Variants in TAS2R1 observed in about 807,000 individuals in gnomAD.
The protein encoded by TAS2R1 is taste 2 receptor member 1.
For missense variants in TAS2R1, 370 were observed against 353.4 expected, an observed-to-expected ratio of 1.05 and a Z score of -0.38; for synonymous variants, 141 against 134.2, an observed-to-expected ratio of 1.05 and a Z score of -0.35.
chr5:9,860,565 C>T, the TAS2R1 span, among the ~76,000 whole-genome samples: 3 of 152,150 alleles, frequency 2.0e-5, no homozygotes, highest in Non-Finnish European at 2.9e-5. Context: ...TACTTCAGGT[C>T]GGCTGTGGAT....
chr5:9,715,060 G>A (rs1734775705), upstream of TAS2R1, among the ~76,000 whole-genome samples: 1 of 152,174 alleles, frequency 6.6e-6, no homozygotes, highest in African/African-American at 2.4e-5. Flanking sequence ...TAAGGAAAGG[G>A]GACTCCAGGA....
chr5:9,660,141 C>A (rs1740502551), intron 1 of TAS2R1, among the ~76,000 whole-genome samples: 1 of 147,804 alleles, frequency 6.8e-6, no homozygotes, highest in African/African-American at 2.5e-5. Context: ...TCACTGCAAG[C>A]TCTGCCTCCT....
the TAS2R1 span, among the ~76,000 whole-genome samples, chr5:9,874,981 A>T: frequency 1.3e-5 from 2 of 152,030 alleles, no homozygotes; most frequent in Admixed American, 1.3e-4. Flanking sequence ...TCCTTCTGAA[A>T]CCTCTTCTTG....
At chr5:9,769,415 T>TG in the TAS2R1 span, among the ~76,000 whole-genome samples, 1 of 152,174 alleles carries the variant, frequency 6.6e-6, no homozygotes, top group Non-Finnish European at 1.5e-5. Flanking sequence ...CTGATTTCTT[T>TG]GGGGTATATA....
chr5:9,872,952 A>G, the TAS2R1 span, among the ~76,000 whole-genome samples: 13 of 152,302 alleles, frequency 8.5e-5, no homozygotes, highest in African/African-American at 2.4e-4. Flanking sequence ...TAATAATTGC[A>G]ATCATTTTTT....
At chr5:9,781,504 T>A in the TAS2R1 span, among the ~76,000 whole-genome samples, 1 of 152,186 alleles carries the variant, frequency 6.6e-6, no homozygotes, top group Admixed American at 6.5e-5. Flanking sequence ...GACAAGCTAT[T>A]TCTTCACACT....
the TAS2R1 span, among the ~76,000 whole-genome samples, chr5:9,819,933 T>C: frequency 6.6e-6 from 1 of 152,064 alleles, no homozygotes; most frequent in Non-Finnish European, 1.5e-5. Context: ...AATGTATTTG[T>C]TCCCATGTAA....
chr5:9,683,338 G>A (rs1040336906), intron 1 of TAS2R1, among the ~76,000 whole-genome samples: 2 of 152,132 alleles, frequency 1.3e-5, no homozygotes, highest in Non-Finnish European at 2.9e-5. Context: ...ATTACCCTAA[G>A]TGATTAAGAT....
chr5:9,896,905 C>A, the TAS2R1 span, among the ~76,000 whole-genome samples: 2 of 152,158 alleles, frequency 1.3e-5, no homozygotes, highest in African/African-American at 4.8e-5. Context: ...AGAAGGGAGA[C>A]AACAATTTGG....
At chr5:9,688,033 C>G (rs1042084514) in intron 1 of TAS2R1, among the ~76,000 whole-genome samples, 2 of 152,156 alleles carry the variant, frequency 1.3e-5, no homozygotes, top group Non-Finnish European at 2.9e-5. Flanking sequence ...AAGGGGAATC[C>G]TTGGACTTTA....
the TAS2R1 span, among the ~76,000 whole-genome samples, chr5:9,812,688 G>A: frequency 6.6e-6 from 1 of 152,090 alleles, no homozygotes; most frequent in Admixed American, 6.5e-5. Flanking sequence ...AGAATAGGGG[G>A]CCAGGAACTT....
At chr5:9,683,882 T>C (rs148326865) in intron 1 of TAS2R1, among the ~76,000 whole-genome samples, 344 of 152,268 alleles carry the variant, frequency 2.3e-3, no homozygotes, top group African/African-American at 7.8e-3. Context: ...CAGCTCAAGG[T>C]TTTGATTCTT....
the TAS2R1 span, among the ~76,000 whole-genome samples, chr5:9,860,785 C>A: frequency 3.3e-5 from 5 of 152,190 alleles, no homozygotes; most frequent in African/African-American, 1.2e-4. Context: ...TGTCTCAGTA[C>A]CCATCTGTGC....
the TAS2R1 span, among the ~76,000 whole-genome samples, chr5:9,782,276 G>C: frequency 4.6e-4 from 70 of 152,320 alleles, 1 homozygote; most frequent in African/African-American, 1.6e-3. Context: ...GGATCTCATA[G>C]TCCTCTTTTC....
chr5:9,740,094 T>C, the TAS2R1 span, among the ~76,000 whole-genome samples: 1 of 152,322 alleles, frequency 6.6e-6, no homozygotes, highest in Non-Finnish European at 1.5e-5. Context: ...TTTCTGGTGA[T>C]AGACTGTAAC....
the TAS2R1 span, among the ~76,000 whole-genome samples, chr5:9,718,181 G>T: frequency 6.6e-6 from 1 of 150,934 alleles, no homozygotes; most frequent in Non-Finnish European, 1.5e-5. Flanking sequence ...GTGTTGGCCA[G>T]GATCGTCTTG....
intron 1 of TAS2R1, among the ~76,000 whole-genome samples, chr5:9,689,797 T>G (rs899916130): frequency 2.0e-5 from 3 of 152,212 alleles, no homozygotes; most frequent in Non-Finnish European, 4.4e-5. Context: ...TTCATAAATC[T>G]TATTCAAATA....
the TAS2R1 span, among the ~76,000 whole-genome samples, chr5:9,767,036 C>T: frequency 2.6e-5 from 4 of 152,144 alleles, no homozygotes; most frequent in South Asian, 8.3e-4. Context: ...AGCCCAAATC[C>T]ATCTCTCCAG....
intron 1 of TAS2R1, among the ~76,000 whole-genome samples, chr5:9,674,458 G>C (rs191792621): frequency 0.01 from 1,526 of 152,122 alleles, 9 homozygotes; most frequent in Middle Eastern, 0.024. Context: ...GTTAGAACCT[G>C]GGGCCAGATG....
Sources: allele counts gnomAD v4.1 joint callset (sites outside exome capture counted in the v4.1 genomes callset), GRCh38; gene constraint gnomAD v4.1.1; transcripts MANE v1.5; gene names NCBI Gene and HGNC (gene_info 2026-07-23, HGNC 2026-07-21).